The following GALNTL6 variants were observed in gnomAD, a reference collection of about 807,000 sequenced individuals.
The protein encoded by GALNTL6 is polypeptide N-acetylgalactosaminyltransferase like 6.
GALNTL6 carries 46 observed loss-of-function variants against 73.7 expected under a neutral mutation model. The observed-to-expected ratio is 0.62, with a 90% CI of 0.49 to 0.80. The LOEUF is 0.80. Among genes scored for constraint, GALNTL6 ranks in the 30% least tolerant of loss-of-function variants. The probability of loss-of-function intolerance (pLI) is 0.00; values close to 1 mark genes in which losing one functional copy is unlikely to be tolerated. For synonymous variants in GALNTL6, 259 were observed against 263.7 expected (o/e 0.98, Z 0.17); for missense variants, 604 against 755.0 (o/e 0.80, Z 2.34).
intron 2 of GALNTL6, among the ~76,000 whole-genome samples, chr4:171,837,059 C>T (rs905248264): frequency 4.6e-5 from 7 of 152,086 alleles, no homozygotes; most frequent in Non-Finnish European, 1.0e-4. Context: ...TATTGGCAGA[C>T]ACCACAATGC....
chr4:172,042,209 CT>C (rs1742105022), intron 2 of GALNTL6, among the ~76,000 whole-genome samples: 1 of 151,966 alleles, frequency 6.6e-6, no homozygotes, highest in African/African-American at 2.4e-5. Flanking sequence ...GCTTTAAGCC[CT>C]ATGAGTTTTG....
intron 5 of GALNTL6, among the ~76,000 whole-genome samples, chr4:172,441,514 TA>T (rs539385969): frequency 1.8e-4 from 27 of 152,272 alleles, no homozygotes; most frequent in African/African-American, 6.3e-4. Context: ...TCTCATGCCT[TA>T]AGTGTTCTTT....
At chr4:171,914,850 AT>A (rs1338254984) in intron 2 of GALNTL6, among the ~76,000 whole-genome samples, 1 of 149,788 alleles carries the variant, frequency 6.7e-6, no homozygotes, top group East Asian at 1.9e-4. Context: ...ATTTTAGAGT[AT>A]TTTTTTACAC....
chr4:172,099,587 C>T (rs776083733), intron 2 of GALNTL6, among the ~76,000 whole-genome samples: 1 of 152,058 alleles, frequency 6.6e-6, no homozygotes, highest in Non-Finnish European at 1.5e-5. Flanking sequence ...ATGGCAAGGG[C>T]AACAGCACTA....
intron 5 of GALNTL6, among the ~76,000 whole-genome samples, chr4:172,608,804 C>A (rs1026204168): frequency 2.0e-5 from 3 of 152,014 alleles, no homozygotes; most frequent in African/African-American, 7.2e-5. Flanking sequence ...TGATTTCTTT[C>A]AGCAGTGTTT....
chr4:171,988,654 G>A (rs1740200644), intron 2 of GALNTL6, among the ~76,000 whole-genome samples: 1 of 152,170 alleles, frequency 6.6e-6, no homozygotes, highest in Non-Finnish European at 1.5e-5. Context: ...GCCTTGCCTG[G>A]TTTTAGGACA....
intron 5 of GALNTL6, among the ~76,000 whole-genome samples, chr4:172,704,777 A>T (rs1417398264): frequency 6.6e-6 from 1 of 152,008 alleles, no homozygotes; most frequent in African/African-American, 2.4e-5. Flanking sequence ...TGTCTTGCTA[A>T]AAATGGGATG....
intron 2 of GALNTL6, among the ~76,000 whole-genome samples, chr4:172,177,836 T>TATATGTGTGTGTATATATACACACAC (rs1219714896): frequency 2.6e-4 from 20 of 76,538 alleles, no homozygotes; most frequent in African/African-American, 5.4e-4. Flanking sequence ...TACACACACA[T>TATATGTGTGTGTATATATACACACAC]ATATATGTGT....
At chr4:172,383,293 C>T (rs1182490580) in intron 5 of GALNTL6, among the ~76,000 whole-genome samples, 2 of 151,892 alleles carry the variant, frequency 1.3e-5, no homozygotes, top group Non-Finnish European at 2.9e-5. Flanking sequence ...CTTTTTTCAA[C>T]AAAATTTGTA....
intron 4 of GALNTL6, among the ~76,000 whole-genome samples, chr4:172,316,832 A>G (rs974941155): frequency 2.0e-5 from 3 of 152,264 alleles, no homozygotes; most frequent in Non-Finnish European, 2.9e-5. Context: ...AGTCACAGAC[A>G]TTGCTGGATA....
intron 2 of GALNTL6, among the ~76,000 whole-genome samples, chr4:171,848,030 C>T (rs1038591072): frequency 6.6e-6 from 1 of 152,168 alleles, no homozygotes; most frequent in Non-Finnish European, 1.5e-5. Context: ...CTGTCTATGG[C>T]AGCAACAGCC....
At chr4:172,111,343 A>C (rs1732846198) in intron 2 of GALNTL6, among the ~76,000 whole-genome samples, 3 of 152,158 alleles carry the variant, frequency 2.0e-5, no homozygotes, top group African/African-American at 7.2e-5. Context: ...TCAATACTAC[A>C]TGATTAAGTA....
At chr4:172,504,159 C>CAAAAAAAAAAAAA (rs775200126) in intron 5 of GALNTL6, among the ~76,000 whole-genome samples, 2,779 of 5,150 alleles carry the variant, frequency 0.54, 1,346 homozygotes, top group Middle Eastern at 1. Flanking sequence ...GACTCTGTCT[C>CAAAAAAAAAAAAA]AAAAAAAAAA....
intron 5 of GALNTL6, among the ~76,000 whole-genome samples, chr4:172,587,036 A>G (rs1349050356): frequency 6.6e-6 from 1 of 152,236 alleles, no homozygotes; most frequent in Non-Finnish European, 1.5e-5. Context: ...CAAGCATAAA[A>G]TTATTGTAAT....
intron 5 of GALNTL6, among the ~76,000 whole-genome samples, chr4:172,693,827 T>G (rs1256895787): frequency 6.6e-6 from 1 of 152,250 alleles, no homozygotes; most frequent in Non-Finnish European, 1.5e-5. Context: ...CTGATTCCAC[T>G]GTGCACCCAG....
intron 2 of GALNTL6, among the ~76,000 whole-genome samples, chr4:171,990,507 A>G (rs1055116021): frequency 2.0e-5 from 3 of 152,170 alleles, no homozygotes; most frequent in African/African-American, 7.2e-5. Context: ...TATTATTCTG[A>G]TACTTTATAT....
At chr4:172,418,539 C>T (rs1002018205) in intron 5 of GALNTL6, among the ~76,000 whole-genome samples, 1 of 152,144 alleles carries the variant, frequency 6.6e-6, no homozygotes, top group African/African-American at 2.4e-5. Flanking sequence ...CAACCCACAG[C>T]CTGAGGCTGA....
intron 2 of GALNTL6, among the ~76,000 whole-genome samples, chr4:171,860,409 C>T (rs1457417272): frequency 6.6e-6 from 1 of 152,200 alleles, no homozygotes; most frequent in East Asian, 1.9e-4. Context: ...ATAATAGGAC[C>T]TAGAGTCAAT....
intron 5 of GALNTL6, among the ~76,000 whole-genome samples, chr4:172,658,149 C>CAAA (rs58279803): frequency 1.4e-3 from 7 of 5,020 alleles, no homozygotes; most frequent in East Asian, 0.011. Context: ...GACTCCGTCT[C>CAAA]AAAAAAAAAA....
Sources: allele counts gnomAD v4.1 joint callset (sites outside exome capture counted in the v4.1 genomes callset), GRCh38; gene constraint gnomAD v4.1.1; transcripts MANE v1.5; gene names NCBI Gene and HGNC (gene_info 2026-07-23, HGNC 2026-07-21).